The following CACNA1A variants were observed in gnomAD, a reference collection of about 807,000 sequenced individuals.
CACNA1A encodes the protein voltage-dependent P/Q-type calcium channel subunit alpha-1A.
In CACNA1A, 57 loss-of-function variants were observed where a neutral mutation model predicts 262.4. That is an observed-to-expected ratio of 0.22 (90% CI 0.18 to 0.27). The LOEUF is 0.27. Ranked by LOEUF, CACNA1A falls within the 10% of genes least tolerant of loss-of-function variation. The pLI is 1.00. For synonymous variants in CACNA1A, 1,431 were observed against 1,419.3 expected, an observed-to-expected ratio of 1.01 and a Z score of -0.18; for missense variants, 2,526 against 3,562.8, an observed-to-expected ratio of 0.71 and a Z score of 7.41.
At chr19:13,286,189 G>A (rs1328690280) in intron 20 of CACNA1A, among the ~76,000 whole-genome samples, 1 of 152,032 alleles carries the variant, frequency 6.6e-6, no homozygotes, top group African/African-American at 2.4e-5. Context: ...TCAATCATCT[G>A]ACCCCCTCAA....
At chr19:13,400,508 T>C (rs556034843) in intron 3 of CACNA1A, among the ~76,000 whole-genome samples, 2 of 152,166 alleles carry the variant, frequency 1.3e-5, no homozygotes, top group Non-Finnish European at 2.9e-5. Context: ...CTTGCCACCA[T>C]CATGCTCACT....
At chr19:13,314,315 G>T (rs887510546) in intron 11 of CACNA1A, among the ~76,000 whole-genome samples, 10 of 152,166 alleles carry the variant, frequency 6.6e-5, no homozygotes, top group Non-Finnish European at 1.2e-4. Flanking sequence ...AATTGTGTTT[G>T]GTGGTTGTGA....
chr19:13,222,202 C>T (rs968633496), intron 38 of CACNA1A, among the ~76,000 whole-genome samples: 7 of 151,652 alleles, frequency 4.6e-5, no homozygotes, highest in African/African-American at 1.7e-4. Flanking sequence ...CCACGACACC[C>T]GGCTAATTTT....
chr19:13,313,817 C>T (rs990805393), intron 11 of CACNA1A, among the ~76,000 whole-genome samples: 6 of 152,174 alleles, frequency 3.9e-5, no homozygotes, highest in East Asian at 1.9e-4. Context: ...TCTACTTCTA[C>T]GTGACTGAGC....
At chr19:13,222,757 C>T (rs527806690) in intron 38 of CACNA1A, among the ~76,000 whole-genome samples, 83 of 150,402 alleles carry the variant, frequency 5.5e-4, no homozygotes, top group Admixed American at 2.6e-3. Flanking sequence ...TTCAGTGGCG[C>T]GATCTTGGCT....
At chr19:13,440,060 A>C (rs2060688202) in intron 3 of CACNA1A, among the ~76,000 whole-genome samples, 1 of 152,056 alleles carries the variant, frequency 6.6e-6, no homozygotes, top group Non-Finnish European at 1.5e-5. Flanking sequence ...CCTGGGCTCA[A>C]GCAATCCTCC....
At chr19:13,217,995 C>T (rs559724994) in intron 38 of CACNA1A, among the ~76,000 whole-genome samples, 9 of 143,378 alleles carry the variant, frequency 6.3e-5, no homozygotes, top group African/African-American at 1.6e-4. Flanking sequence ...AGGCTGGTCT[C>T]GAACTCCTGG....
rs1273142129 is a variant in CACNA1A at position 13,415,769 on chromosome 19, AAAAAG to A, written c.539+37102_539+37106del. Among the ~76,000 whole-genome samples, 10 of 139,148 alleles carry A rather than the reference AAAAAG, an allele frequency of 7.2e-5. No homozygotes were observed. The East Asian group carries it at 1.8e-3, about 25-fold the overall frequency. The allele number at this position is 139,148 out of a possible 152,430, so 91.3% of individuals were successfully genotyped here. On this transcript the variant is annotated intron_variant, in intron 3 of 46. Transcript: ENST00000360228. ...AAAAAAAAAAAAAAAAAAAAAAAAA[AAAAAG>A]TAGATGGGGCCTCAGAATTCACTGA... is the stretch of plus-strand genomic sequence containing the variant.
At chr19:13,388,953 A>G (rs2059665835) in intron 3 of CACNA1A, among the ~76,000 whole-genome samples, 2 of 152,116 alleles carry the variant, frequency 1.3e-5, no homozygotes, top group African/African-American at 4.8e-5. Context: ...CCCAGGCTGG[A>G]GTGCAGTGGC....
At chr19:13,483,833 C>G (rs953066933) in intron 1 of CACNA1A, among the ~76,000 whole-genome samples, 1 of 152,168 alleles carries the variant, frequency 6.6e-6, no homozygotes, top group Admixed American at 6.5e-5. Context: ...TTTTCCACCT[C>G]TTCCAAGTAA....
At chr19:13,253,689 C>T (rs1236993937) in intron 29 of CACNA1A, among the ~76,000 whole-genome samples, 1 of 151,766 alleles carries the variant, frequency 6.6e-6, no homozygotes, top group African/African-American at 2.4e-5. Flanking sequence ...TTGTGATCGC[C>T]CTCCTCGGCC....
chr19:13,249,844 C>A (rs367766679), intron 30 of CACNA1A, among the ~76,000 whole-genome samples: 1 of 151,892 alleles, frequency 6.6e-6, no homozygotes, highest in Non-Finnish European at 1.5e-5. Flanking sequence ...AAAGCTGATG[C>A]CCCTAACCAC....
At chr19:13,495,573 A>G (rs902037538) in intron 1 of CACNA1A, among the ~76,000 whole-genome samples, 1 of 152,154 alleles carries the variant, frequency 6.6e-6, no homozygotes, top group Non-Finnish European at 1.5e-5. Flanking sequence ...TAAACATACA[A>G]TCTTATTGAT....
intron 30 of CACNA1A, among the ~76,000 whole-genome samples, chr19:13,251,422 T>G (rs8102197): frequency 6.6e-6 from 1 of 151,992 alleles, no homozygotes; most frequent in African/African-American, 2.4e-5. Context: ...GGTGGAGCTT[T>G]CAGTGAGCCG....
intron 6 of CACNA1A, among the ~76,000 whole-genome samples, chr19:13,345,895 C>CTTTTTTTTTTTTTTTTTTTTTT (rs55982966): frequency 9.9e-6 from 1 of 100,532 alleles, no homozygotes; most frequent in Non-Finnish European, 2.0e-5. Context: ...TTCACGAAGT[C>CTTTTTTTTTTTTTTTTTTTTTT]TTTTTTTTTT....
At chr19:13,440,255 C>A (rs2060692851) in intron 3 of CACNA1A, among the ~76,000 whole-genome samples, 1 of 152,180 alleles carries the variant, frequency 6.6e-6, no homozygotes, top group African/African-American at 2.4e-5. Context: ...TGAGCCACTG[C>A]GCCTGGCCCT....
intron 3 of CACNA1A, among the ~76,000 whole-genome samples, chr19:13,400,593 G>A (rs544578332): frequency 1.3e-5 from 2 of 152,296 alleles, no homozygotes; most frequent in African/African-American, 2.4e-5. Context: ...GTGCTAGAGT[G>A]TAAGATAATA....
In CACNA1A at chr19:13,455,188, G is replaced by A. The variant is rs554701306; in HGVS notation, c.318C>T (p.Ala106=). Reference sequence around the variant, plus strand: ...GGACGATGCAATTCGCTATGATGGTGGCTAAAATCATATATTCAAAGGGAG... The same window carrying A: ...GGACGATGCAATTCGCTATGATGGTAGCTAAAATCATATATTCAAAGGGAG... ...EWPPFEYMIL[A]TIIANCIVLA... is the part of the protein sequence containing the mutation. Residue 106 remains alanine, a synonymous_variant, in exon 2 of 47, where the codon GCC becomes GCT. Coordinates refer to ENST00000360228, the MANE Select transcript of CACNA1A (RefSeq NM_001127222.2). The A allele has an allele frequency of 1.0e-4, 167 of 1,608,036 alleles. 2 individuals are homozygous for A. The South Asian group carries it at 1.5e-3, about 15-fold the overall frequency.
At chr19:13,404,233 T>C in intron 3 of CACNA1A, among the ~76,000 whole-genome samples, 1 of 152,092 alleles carries the variant, frequency 6.6e-6, no homozygotes, top group East Asian at 1.9e-4. Flanking sequence ...TTAATGCTGC[T>C]ATATATGTTT....
Sources: allele counts gnomAD v4.1 joint callset (sites outside exome capture counted in the v4.1 genomes callset), GRCh38; gene constraint gnomAD v4.1.1; transcripts MANE v1.5; gene names NCBI Gene and HGNC (gene_info 2026-07-23, HGNC 2026-07-21).